AGAP2: variants seen among roughly 807,000 people sequenced by gnomAD.
AGAP2 encodes the protein ArfGAP with GTPase domain, ankyrin repeat and PH domain 2.
A neutral mutation model predicts 110.9 loss-of-function variants in AGAP2; 32 were observed. The observed-to-expected ratio is 0.29, with a 90% CI of 0.22 to 0.39. The LOEUF (loss-of-function observed/expected upper bound fraction) is 0.39, where lower values mean the gene tolerates loss of function less well. Among genes scored for constraint, AGAP2 ranks in the 10% least tolerant of loss-of-function variants. AGAP2 has a pLI of 1.00. For missense variants in AGAP2, 1,285 were observed against 1,638.5 expected (o/e 0.78, Z 3.72); for synonymous variants, 702 against 713.0 (o/e 0.98, Z 0.25).
rs764449289 is a variant in AGAP2, at chr12:57,737,221, G to A, written c.1026C>T (p.Arg342=). Reference sequence around the variant, plus strand: ...TGCCGCTGATAAACTTGAGCATCTTGCGGTCACGAGTGGATGCTCGGCCCC... The same window carrying A: ...TGCCGCTGATAAACTTGAGCATCTTACGGTCACGAGTGGATGCTCGGCCCC... The part of the protein sequence containing the change: ...REGGRASTRD[R]KMLKFISGIF... The change falls in exon 1 of 19, where the codon CGC becomes CGT. Residue 342 remains arginine (R), a synonymous_variant. Coordinates refer to ENST00000547588, the MANE Select transcript of AGAP2 (RefSeq NM_001122772.3). This position sits in a 1 kb window ranked among gnomAD's most constrained non-coding sequence, Gnocchi z 5.9. 16 of 1,609,488 alleles carry A rather than the reference G, an allele frequency of 9.9e-6. No individual in the cohort carries two copies. Among genetic ancestry groups the A allele is most frequent in the Non-Finnish European group, 1.4e-5 (16 of 1,178,136 alleles).
Position 57,731,851 on chromosome 12 carries a change from C to A in AGAP2, c.1911G>T (p.Gly637=). 6.2e-7 allele frequency: 1 copy of A among 1,602,408 alleles called. No homozygotes were observed. The highest frequency in any genetic ancestry group is 8.5e-7 in the Non-Finnish European group (1 of 1,174,820). ...AAAVAGLSTP[G]SLHRAAKRRT... is the part of the protein sequence containing the mutation. ...TGCGCTTGGCTGCCCGGTGCAGGGA[C>A]CCTGGGGTGCTCAATCCAGCCACTG... Residue 637 remains glycine, a synonymous_variant, in exon 8 of 19, where the codon GGG becomes GGT. Transcript: ENST00000547588.
At position 57,726,363 on chromosome 12, in the gene AGAP2, C is replaced by T. The variant is rs1954761939; in HGVS notation, c.*189G>A. 1 of 422,042 alleles carries T rather than the reference C, an allele frequency of 2.4e-6. No homozygotes were observed. Among genetic ancestry groups the T allele is most frequent in the Non-Finnish European group, 3.6e-6 (1 of 277,630 alleles). 26.1% of individuals were successfully genotyped at this position (422,042 alleles called of 1,614,324 possible). A position where few individuals can be genotyped will look rare whatever the true frequency, so the allele number is the denominator to read the frequency against. On this transcript the variant is annotated 3_prime_UTR_variant, in exon 19 of 19. Coordinates refer to ENST00000547588, the MANE Select transcript of AGAP2 (RefSeq NM_001122772.3). The surrounding 1 kb of genome is among the most constrained non-coding windows in gnomAD (Gnocchi z 5.7). ...GTGTTGAGCTGGGGTCTCCATGCCT[C>T]GTTGGGGAGAGGGAGGTGAGTTTGT...
chr12:57,741,798 C>T, upstream of AGAP2: 1 of 1,237,718 alleles, frequency 8.1e-7, no homozygotes, highest in Non-Finnish European at 1.1e-6. Context: ...TCCCAGAGTC[C>T]CATCTTGGGG....
intron 10 of AGAP2, 91 bp from the exon 11 acceptor site, chr12:57,731,044 G>A: frequency 1.5e-6 from 2 of 1,354,718 alleles, no homozygotes; most frequent in South Asian, 1.5e-5. Flanking sequence ...GAGAGGGACT[G>A]GGGAGGGGTC....
intron 11 of AGAP2, 66 bp from the exon 12 acceptor site, chr12:57,730,680 CT>C: frequency 6.2e-7 from 1 of 1,605,528 alleles, no homozygotes; most frequent in Non-Finnish European, 8.5e-7. Flanking sequence ...TGTGGTCCCT[CT>C]TTATCACCCA....
rs533985833 is a variant in AGAP2, at chr12:57,732,457, C to T, written c.1740G>A (p.Lys580=). The T allele has an allele frequency of 1.5e-4, 243 of 1,598,734 alleles. 1 individual carries two copies. In the South Asian group the frequency reaches 2.6e-3, roughly 17 times the overall value. Residue 580 remains lysine, a synonymous_variant, in exon 7 of 19, where the codon AAG becomes AAA. Transcript: ENST00000547588. ...RKQQQLLAAC[K]SLPSSPSHSA... Reference sequence around the variant, plus strand: ...AGTGGCTTGGGGAGCTGGGCAGGGACTTGCAGGCAGCCAGAAGCTGTTGCT... The same window carrying T: ...AGTGGCTTGGGGAGCTGGGCAGGGATTTGCAGGCAGCCAGAAGCTGTTGCT...
Position 57,737,746 on chromosome 12 carries a change from G to T in AGAP2, c.501C>A (p.Ser167=), listed in dbSNP as rs774875270. The change falls in exon 1 of 19, where the codon TCC becomes TCA. Residue 167 remains serine (S), a synonymous_variant. Coordinates refer to ENST00000547588, the MANE Select transcript of AGAP2 (RefSeq NM_001122772.3). The surrounding 1 kb of genome is among the most constrained non-coding windows in gnomAD (Gnocchi z 5.9). ...GRAGGGIPGS[S]SPHPGTGSRR... is the part of the protein sequence containing the mutation. The stretch of plus-strand genomic sequence containing the variant: ...GGCTGCCGGTGCCAGGGTGCGGAGA[G>T]GATGAGCCAGGGATGCCGCCGCCCG... 6.5e-7 allele frequency: 1 copy of T among 1,540,392 alleles called. No individual in the cohort carries two copies. The highest frequency in any genetic ancestry group is 1.2e-5 in the South Asian group (1 of 84,130).
At position 57,728,305 on chromosome 12, in the gene AGAP2, C is replaced by G. The variant is rs983390111; in HGVS notation, c.2617+13G>C. 5.0e-6 allele frequency: 8 copies of G among 1,613,634 alleles called. No individual in the cohort carries two copies. The highest frequency in any genetic ancestry group is 1.7e-5 in the Admixed American group (1 of 60,008). On this transcript the variant is annotated intron_variant, in intron 14 of 18. Coordinates refer to ENST00000547588, the MANE Select transcript of AGAP2 (RefSeq NM_001122772.3). Reference sequence around the variant, plus strand: ...CCCCAGCTGAGCGCCCCTCCCGGCTCCCCACTTGTTACCTGCTTTATAAAT... The same window carrying G: ...CCCCAGCTGAGCGCCCCTCCCGGCTGCCCACTTGTTACCTGCTTTATAAAT...
rs1954887962 is a variant in AGAP2, at chr12:57,731,657, G to A, written c.1954-15C>T. 4 of 1,614,004 alleles carry A rather than the reference G, an allele frequency of 2.5e-6. No individual in the cohort carries two copies. The African/African-American group carries it at 4.0e-5, about 16-fold the overall frequency. On this transcript the variant is annotated splice_polypyrimidine_tract_variant and intron_variant, in intron 8 of 18. Coordinates refer to ENST00000547588, the MANE Select transcript of AGAP2 (RefSeq NM_001122772.3). ...CCCCGACGATTCTGGAATGGTTATT[G>A]GAATCAGTTTGAGGATGGATAGAGG...
At chr12:57,732,253 G>C in intron 7 of AGAP2, 150 bp downstream of exon 7, 1 of 851,302 alleles carries the variant, frequency 1.2e-6, no homozygotes, top group East Asian at 2.7e-5. Context: ...TTGATTTCCA[G>C]TCCAATGCAC....
chr12:57,731,869 A>G lies in AGAP2; in HGVS notation c.1893T>C (p.Ala631=). 1 of 1,608,438 alleles carries G rather than the reference A, an allele frequency of 6.2e-7. No individual in the cohort carries two copies. Among genetic ancestry groups the G allele is most frequent in the Non-Finnish European group, 8.5e-7 (1 of 1,177,652 alleles). The change falls in exon 8 of 19, where the codon GCT becomes GCC. Residue 631 remains alanine (A), a synonymous_variant. Coordinates refer to ENST00000547588, the MANE Select transcript of AGAP2 (RefSeq NM_001122772.3). ...RELRAEAAAV[A]GLSTPGSLHR... ...GCAGGGACCCTGGGGTGCTCAATCC[A>G]GCCACTGCAGCTGCCTCGGCTCGGA...
upstream of AGAP2, chr12:57,741,969 T>G (rs1343707206): frequency 6.2e-7 from 1 of 1,614,164 alleles, no homozygotes; most frequent in South Asian, 1.1e-5. Flanking sequence ...TCGTCCACCC[T>G]CTCTGCCAGC....
At chr12:57,739,740 C>T (rs1288334641), upstream of AGAP2, 2 of 152,224 alleles carry the variant, frequency 1.3e-5, no homozygotes, top group Non-Finnish European at 2.9e-5. Context: ...ACTGCCCTGA[C>T]ACCTGGCTAC....
rs1322157810 is a variant in AGAP2 at position 57,726,861 on chromosome 12, C to A, written c.3337-67G>T. On this transcript the variant is annotated intron_variant, in intron 18 of 18. Coordinates refer to ENST00000547588, the MANE Select transcript of AGAP2 (RefSeq NM_001122772.3). The surrounding 1 kb of genome is among the most constrained non-coding windows in gnomAD (Gnocchi z 5.7). ...CGCCCACACCCGGCGCCGCCTCCCC[C>A]ACATGGCCAAGCCTACTTCCGGGGT... The A allele has an allele frequency of 6.9e-7, 1 of 1,442,830 alleles. No individual in the cohort carries two copies. Among genetic ancestry groups the A allele is most frequent in the Non-Finnish European group, 9.1e-7 (1 of 1,103,418 alleles). The allele number at this position is 1,442,830 out of a possible 1,614,324, so 89.4% of individuals were successfully genotyped here.
chr12:57,736,993 T>TA, intron 1 of AGAP2, 86 bp downstream of exon 1: 2 of 1,444,090 alleles, frequency 1.4e-6, no homozygotes, highest in Non-Finnish European at 1.8e-6. Flanking sequence ...AAAGCTTCCC[T>TA]AGTTTCCTGG....
chr12:57,729,884 G>A, intron 12 of AGAP2, 117 bp from the exon 13 acceptor site: 2 of 1,415,630 alleles, frequency 1.4e-6, no homozygotes, highest in Non-Finnish European at 9.5e-7. Context: ...CTCCTCAACT[G>A]TCCCTCTCCA....
Position 57,737,259 on chromosome 12 carries a change from G to A in AGAP2, c.988C>T (p.Arg330Trp). ...GATGCTCGGCCCCCCTCCCGGCCCC[G>A]TTTCAGCCCCGGAGCTGGAGGCTCC... ...TLEPPAPGLK[R>W]GREGGRASTR... The change falls in exon 1 of 19, where the codon CGG (arginine) becomes TGG (tryptophan). Residue 330 changes from arginine to tryptophan, a missense_variant. By Grantham distance (101) the Arg-to-Trp change is moderately radical (BLOSUM62 -3). This residue lies in a region of AGAP2 where 844 missense variants were observed against 941.2 expected (regional missense o/e 0.90). Transcript: ENST00000547588. The surrounding 1 kb of genome is among the most constrained non-coding windows in gnomAD (Gnocchi z 5.9). The A allele has an allele frequency of 6.2e-7, 1 of 1,613,046 alleles. No individual in the cohort carries two copies. Among genetic ancestry groups the A allele is most frequent in the Non-Finnish European group, 8.5e-7 (1 of 1,179,670 alleles).
At chr12:57,732,043 G>A (rs1954897100) in intron 7 of AGAP2, 76 bp from the exon 8 acceptor site, 2 of 1,501,870 alleles carry the variant, frequency 1.3e-6, no homozygotes, top group African/African-American at 1.4e-5. Flanking sequence ...CTCGTTATGG[G>A]GAATTTGAGA....
At position 57,734,399 on chromosome 12, in the gene AGAP2, G is replaced by A. The variant is rs1555199306; in HGVS notation, c.1321C>T (p.Gln441Ter). 6.2e-7 allele frequency: 1 copy of A among 1,614,134 alleles called. No individual in the cohort carries two copies. The highest frequency in any genetic ancestry group is 8.5e-7 in the Non-Finnish European group (1 of 1,180,000). Residue 441 changes from glutamine to a stop codon, truncating the protein, a stop_gained, in exon 4 of 19, where the codon CAG becomes TAG. Transcript: ENST00000547588. LOFTEE classifies it high-confidence loss of function. ...TCCACCAACATTTCTTTCTTGTACT[G>A]CTCACCTGTCCAGAAGAGTTGGAAG... ...YQVLEKTESE[Q>*]YKKEMLVDGQ...
Sources: gnomAD v4.1 joint callset for allele counts on GRCh38, gnomAD v4.1.1 for gene constraint, gnomAD v4.1.1 regional missense constraint, Gnocchi (gnomAD v3.1) non-coding constraint, MANE v1.5 for transcripts, NCBI Gene and HGNC (gene_info 2026-07-23, HGNC 2026-07-21) for gene names.